Variants in IL23R observed in about 807,000 individuals in gnomAD.
The protein encoded by IL23R is interleukin 23 receptor, also known as interleukin-23 receptor.
A neutral mutation model predicts 56.9 loss-of-function variants in IL23R; 34 were observed. That is an observed-to-expected ratio of 0.60 (90% CI 0.45 to 0.80). The LOEUF is 0.80. Among genes scored for constraint, IL23R ranks in the 30% least tolerant of loss-of-function variants. The pLI is 0.00. For missense variants in IL23R, 635 were observed against 730.0 expected (o/e 0.87, Z 1.50); for synonymous variants, 230 against 249.2 (o/e 0.92, Z 0.73).
chr1:67,174,593 G>T (rs1418223498), intron 3 of IL23R, among the ~76,000 whole-genome samples: 1 of 151,836 alleles, frequency 6.6e-6, no homozygotes, highest in East Asian at 1.9e-4. Flanking sequence ...TGTCCCAGCA[G>T]TATTTCACAC....
chr1:67,142,792 T>A (rs1236863832), intron 1 of IL23R, among the ~76,000 whole-genome samples: 1 of 152,164 alleles, frequency 6.6e-6, no homozygotes, highest in African/African-American at 2.4e-5. Flanking sequence ...GGTCTCGAAC[T>A]CCTGACCTCA....
chr1:67,173,181 T>C (rs968444563), intron 3 of IL23R, among the ~76,000 whole-genome samples: 2 of 152,184 alleles, frequency 1.3e-5, no homozygotes, highest in African/African-American at 2.4e-5. Flanking sequence ...GGATATTGAA[T>C]AACCTGGCAA....
At chr1:67,163,052 A>T (rs978605433), upstream of IL23R, among the ~76,000 whole-genome samples, 4 of 152,216 alleles carry the variant, frequency 2.6e-5, no homozygotes, top group African/African-American at 9.7e-5. Flanking sequence ...CTTTTAATGC[A>T]CACCTCACAG....
intron 4 of IL23R, among the ~76,000 whole-genome samples, chr1:67,199,852 G>A: frequency 6.6e-6 from 1 of 151,836 alleles, no homozygotes; most frequent in East Asian, 1.9e-4. Context: ...TTCAGTAAAA[G>A]GTTGCATATT....
Position 67,241,384 on chromosome 1 carries a change from C to A in IL23R, c.1148+1103C>A, listed in dbSNP as rs549946133. Among the ~76,000 whole-genome samples the A allele has an allele frequency of 1.1e-4, 16 of 152,270 alleles. No homozygotes were observed. In the East Asian group the frequency reaches 3.1e-3, roughly 29 times the overall value. ...GTGTTTCCTTAAAGTCTTAGTTTGA[C>A]TTTGTCACATTTAGCATGAACAACT... On this transcript the variant is annotated intron_variant, in intron 9 of 10. Coordinates refer to ENST00000347310, the MANE Select transcript of IL23R (RefSeq NM_144701.3).
intron 1 of IL23R, among the ~76,000 whole-genome samples, chr1:67,153,576 T>G (rs11209006): frequency 0.38 from 57,147 of 151,896 alleles, 10,998 homozygotes; most frequent in Admixed American, 0.48. Flanking sequence ...TTTGTGATGT[T>G]GGCATTTAGT....
chr1:67,192,155 G>A (rs968086920), intron 4 of IL23R, among the ~76,000 whole-genome samples: 3 of 152,220 alleles, frequency 2.0e-5, no homozygotes, highest in African/African-American at 7.2e-5. Flanking sequence ...GAGTTCATTA[G>A]TTCCAGAGGC....
intron 5 of IL23R, among the ~76,000 whole-genome samples, chr1:67,201,236 C>G (rs1179616593): frequency 6.6e-6 from 1 of 151,620 alleles, no homozygotes. Flanking sequence ...AACCCTGTCT[C>G]TACTAAAAGT....
intron 1 of IL23R, among the ~76,000 whole-genome samples, chr1:67,167,058 T>A (rs1272060316): frequency 2.0e-5 from 3 of 152,226 alleles, no homozygotes; most frequent in South Asian, 2.1e-4. Flanking sequence ...GGAATTTCTA[T>A]AACGTGTTCC....
upstream of IL23R, among the ~76,000 whole-genome samples, chr1:67,163,068 G>T (rs1357019515): frequency 5.9e-5 from 9 of 152,122 alleles, no homozygotes; most frequent in Non-Finnish European, 1.0e-4. Context: ...CACAGGAAAT[G>T]GTGATGATTC....
At chr1:67,238,789 C>A (rs537844727) in intron 8 of IL23R, among the ~76,000 whole-genome samples, 1 of 152,272 alleles carries the variant, frequency 6.6e-6, no homozygotes, top group Non-Finnish European at 1.5e-5. Context: ...AGCCAGTACC[C>A]CCAATTAGTT....
intron 7 of IL23R, among the ~76,000 whole-genome samples, chr1:67,221,343 T>C (rs539649187): frequency 1.1e-4 from 17 of 152,230 alleles, no homozygotes; most frequent in African/African-American, 3.4e-4. Context: ...TAAGAACATA[T>C]TCTCCTAAAA....
intron 4 of IL23R, among the ~76,000 whole-genome samples, chr1:67,191,712 A>G (rs1051902267): frequency 6.6e-6 from 1 of 152,138 alleles, no homozygotes; most frequent in Non-Finnish European, 1.5e-5. Context: ...CTCCACTGAA[A>G]CAGCTCCTGT....
chr1:67,210,162 C>A (rs1371697518), intron 6 of IL23R, among the ~76,000 whole-genome samples: 2 of 152,006 alleles, frequency 1.3e-5, no homozygotes, highest in African/African-American at 2.4e-5. Flanking sequence ...AAAAAGTGAA[C>A]GTCTAGAGAA....
intron 1 of IL23R, among the ~76,000 whole-genome samples, chr1:67,153,575 T>A (rs894652736): frequency 2.0e-5 from 3 of 152,164 alleles, no homozygotes; most frequent in African/African-American, 7.2e-5. Context: ...CTTTGTGATG[T>A]TGGCATTTAG....
rs966237467 is a variant in IL23R at position 67,201,354 on chromosome 1, G to A, written c.652+457G>A. 2.0e-5 allele frequency among the ~76,000 whole-genome samples: 3 copies of A among 150,648 alleles called. No individual in the cohort carries two copies. The South Asian group carries it at 6.3e-4, about 32-fold the overall frequency. ...ATCTGGGAGGCAGAGGTTGCAGTGA[G>A]CCAAGATTGTGCCACTGCACTCCAG... On this transcript the variant is annotated intron_variant, in intron 5 of 10. Coordinates refer to ENST00000347310, the MANE Select transcript of IL23R (RefSeq NM_144701.3).
chr1:67,187,005 T>C lies in IL23R; in HGVS notation c.491+4046T>C, dbSNP rs144971110. ...TTGGTTGATGAACTTTTTGGTTGTT[T>C]CCACTTTTCAGCTATTATGAATTAT... On this transcript the variant is annotated intron_variant, in intron 4 of 10. Coordinates refer to ENST00000347310, the MANE Select transcript of IL23R (RefSeq NM_144701.3). Among the ~76,000 whole-genome samples, 229 of 152,358 alleles carry C rather than the reference T, an allele frequency of 1.5e-3. 1 individual carries two copies. Among genetic ancestry groups the C allele is most frequent in the African/African-American group, 5.3e-3 (222 of 41,582 alleles).
chr1:67,249,170 A>G (rs1558265118), intron 9 of IL23R, among the ~76,000 whole-genome samples: 1 of 152,270 alleles, frequency 6.6e-6, no homozygotes, highest in South Asian at 2.1e-4. Flanking sequence ...AAAATCTGGC[A>G]TAGTATTTTC....
At chr1:67,258,328 A>C in intron 10 of IL23R, 150 bp from the exon 11 acceptor site, 1 of 544,302 alleles carries the variant, frequency 1.8e-6, no homozygotes. Flanking sequence ...AAAAGACAAA[A>C]GGAGGAAATC....
Sources: gnomAD v4.1 joint callset for allele counts (sites outside exome capture counted in the v4.1 genomes callset) on GRCh38, gnomAD v4.1.1 for gene constraint, MANE v1.5 for transcripts, NCBI Gene and HGNC (gene_info 2026-07-23, HGNC 2026-07-21) for gene names.